The following CHI3L2 variants were observed in gnomAD, a reference collection of about 807,000 sequenced individuals.
The protein encoded by CHI3L2 is chitinase-3-like protein 2.
Under a neutral mutation model 47.3 loss-of-function variants are expected in CHI3L2, and 47 were observed. That is an observed-to-expected ratio of 0.99 (90% CI 0.79 to 1.27). The LOEUF is 1.27. CHI3L2 is among the 50% of genes most tolerant of loss of function. The pLI, the probability that CHI3L2 is intolerant of heterozygous loss-of-function variation, is 0.00. For missense variants in CHI3L2, 497 were observed against 462.1 expected, an observed-to-expected ratio of 1.08 and a Z score of -0.69; for synonymous variants, 198 against 169.9, an observed-to-expected ratio of 1.17 and a Z score of -1.28.
intron 2 of CHI3L2, among the ~76,000 whole-genome samples, 167 bp downstream of exon 2, chr1:111,230,048 C>A (rs1659667103): frequency 6.6e-6 from 1 of 151,982 alleles, no homozygotes; most frequent in African/African-American, 2.4e-5. Context: ...TTTTGTGTAT[C>A]CCTTGTTCTA....
chr1:111,233,006 T>C (rs1193168068), intron 4 of CHI3L2, among the ~76,000 whole-genome samples: 1 of 152,150 alleles, frequency 6.6e-6, no homozygotes, highest in Non-Finnish European at 1.5e-5. Flanking sequence ...AATTCAAGGC[T>C]CTAAGAAAGC....
intron 4 of CHI3L2, among the ~76,000 whole-genome samples, chr1:111,233,999 TCGTTAAGAG>T (rs1659803654): frequency 1.3e-5 from 2 of 150,258 alleles, no homozygotes; most frequent in African/African-American, 4.9e-5. Flanking sequence ...GGCAGCATGC[TCGTTAAGAG>T]TCATCACCAC....
chr1:111,228,714 T>G (rs550656454), intron 1 of CHI3L2, among the ~76,000 whole-genome samples: 1 of 152,370 alleles, frequency 6.6e-6, no homozygotes, highest in East Asian at 1.9e-4. Flanking sequence ...AGCAGCTGTG[T>G]CATTGAAAGT....
chr1:111,241,251 C>A, intron 8 of CHI3L2, 76 bp from the exon 9 acceptor site: 4 of 820,392 alleles, frequency 4.9e-6, no homozygotes. Flanking sequence ...CCTAGTGGCT[C>A]ACCTGCCCTG....
intron 1 of CHI3L2, among the ~76,000 whole-genome samples, chr1:111,229,492 C>A (rs918798430): frequency 2.4e-4 from 36 of 151,006 alleles, no homozygotes; most frequent in South Asian, 4.2e-4. Context: ...ACCATCCCGG[C>A]TAAAACGGTG....
chr1:111,235,439 G>T (rs373517987), intron 5 of CHI3L2, among the ~76,000 whole-genome samples, 200 bp from the exon 6 acceptor site: 1 of 152,212 alleles, frequency 6.6e-6, no homozygotes, highest in Non-Finnish European at 1.5e-5. Context: ...CCTGGGTAGA[G>T]TGAGGCTGGG....
chr1:111,229,681 C>CAAGAA (rs1659646414), intron 1 of CHI3L2, 171 bp from the exon 2 acceptor site: 1 of 336,264 alleles, frequency 3.0e-6, no homozygotes, highest in African/African-American at 8.1e-5. Flanking sequence ...GACTCCGTCT[C>CAAGAA]AAAAAAAAAA....
At chr1:111,233,821 G>T (rs1385221849) in intron 4 of CHI3L2, among the ~76,000 whole-genome samples, 2 of 152,034 alleles carry the variant, frequency 1.3e-5, no homozygotes, top group African/African-American at 4.8e-5. Context: ...GTAGACATGG[G>T]AGACTTTTCA....
At chr1:111,231,011 ACT>A in intron 3 of CHI3L2, 68 bp downstream of exon 3, 1 of 1,186,612 alleles carries the variant, frequency 8.4e-7, no homozygotes, top group East Asian at 2.4e-5. Flanking sequence ...TTAAGCTGAC[ACT>A]AAGACATACT....
At position 111,238,990 on chromosome 1, in the gene CHI3L2, C is replaced by G. The variant is rs1659969648; in HGVS notation, c.918+58C>G. 2.7e-6 allele frequency: 4 copies of G among 1,481,594 alleles called. No homozygotes were observed. The South Asian group carries it at 5.4e-5, about 20-fold the overall frequency. The allele number at this position is 1,481,594 out of a possible 1,614,324, so 91.8% of individuals were successfully genotyped here. A position where few individuals can be genotyped will look rare whatever the true frequency, so the allele number is the denominator to read the frequency against. Reference sequence around the variant, plus strand: ...TGCCATGTCTGGGTAGATGTTCCATCTTCAATTTGACAGCAGAGTAAAGCA... The same window carrying G: ...TGCCATGTCTGGGTAGATGTTCCATGTTCAATTTGACAGCAGAGTAAAGCA... On this transcript the variant is annotated intron_variant, in intron 8 of 10. Transcript: ENST00000369748.
Position 111,236,191 on chromosome 1 carries a change from G to C in CHI3L2, c.735+38G>C, listed in dbSNP as rs547081222. The C allele has an allele frequency of 4.4e-6, 7 of 1,601,786 alleles. No individual in the cohort carries two copies. The East Asian group carries it at 1.3e-4, about 31-fold the overall frequency. ...GGGGAACCGCAGGGGTACTGGCTGT[G>C]GGGGTGGGGCTGGGGAGAGTCCAGC... is the stretch of plus-strand genomic sequence containing the variant. On this transcript the variant is annotated intron_variant, in intron 7 of 10. Transcript: ENST00000369748.
At position 111,243,355 on chromosome 1, in the gene CHI3L2, C is replaced by T. The variant is rs1660117950; in HGVS notation, c.*141C>T. 4.8e-6 allele frequency: 2 copies of T among 414,010 alleles called. No individual in the cohort carries two copies. The highest frequency in any genetic ancestry group is 5.6e-5 in the Admixed American group (2 of 35,778). 25.6% of individuals were successfully genotyped at this position (414,010 alleles called of 1,614,324 possible). A position where few individuals can be genotyped will look rare whatever the true frequency, so the allele number is the denominator to read the frequency against. On this transcript the variant is annotated 3_prime_UTR_variant, in exon 11 of 11. Transcript: ENST00000369748. ...AGCCTTTCCTGACTTCCTCTTAGAT[C>T]ATAGATTGGACCTGGTTTTGTTTTC...
chr1:111,231,103 T>A (rs959179876), intron 3 of CHI3L2, 135 bp from the exon 4 acceptor site: 1 of 943,304 alleles, frequency 1.1e-6, no homozygotes, highest in Non-Finnish European at 1.7e-6. Flanking sequence ...GCTTCATCCC[T>A]TCACTGAACT....
intron 7 of CHI3L2, among the ~76,000 whole-genome samples, chr1:111,236,679 ATGT>A (rs1254879989): frequency 6.6e-6 from 1 of 151,950 alleles, no homozygotes; most frequent in Non-Finnish European, 1.5e-5. Context: ...AATGTTGTTG[ATGT>A]TGTTCTGGAA....
At chr1:111,239,783 C>A (rs954320250) in intron 8 of CHI3L2, among the ~76,000 whole-genome samples, 2 of 152,154 alleles carry the variant, frequency 1.3e-5, no homozygotes, top group African/African-American at 2.4e-5. Context: ...AGATATAAAT[C>A]TAACAATAGG....
chr1:111,229,660 C>T lies in CHI3L2; in HGVS notation c.41-192C>T, dbSNP rs7546290. The T allele has an allele frequency of 6.3e-5, 34 of 540,720 alleles. 5 individuals are homozygous for T. The highest frequency in any genetic ancestry group is 1.0e-4 in the East Asian group (2 of 20,086). The allele number at this position is 540,720 out of a possible 1,614,324, so 33.5% of individuals were successfully genotyped here. ...TCACACCACTGCACTCCAGCCTGGG[C>T]GACAGAGCGAGACTCCGTCTCAAAA... On this transcript the variant is annotated intron_variant, in intron 1 of 10. Transcript: ENST00000369748.
chr1:111,238,801 G>C lies in CHI3L2; in HGVS notation c.787G>C (p.Val263Leu). 2 of 1,614,028 alleles carry C rather than the reference G, an allele frequency of 1.2e-6. No individual in the cohort carries two copies. The highest frequency in any genetic ancestry group is 8.5e-7 in the Non-Finnish European group (1 of 1,179,960). Reference sequence around the variant, plus strand: ...TAAGGGAATGCCATCAGAGAAGGTGGTCATGGGCATCCCCACATATGGGCA... The same window carrying C: ...TAAGGGAATGCCATCAGAGAAGGTGCTCATGGGCATCCCCACATATGGGCA... ...IHKGMPSEKV[V>L]MGIPTYGHSF... is the part of the protein sequence containing the mutation. Residue 263 changes from valine to leucine, a missense_variant, in exon 8 of 11, where the codon GTC becomes CTC. Coordinates refer to ENST00000369748, the MANE Select transcript of CHI3L2 (RefSeq NM_004000.3).
At chr1:111,240,819 G>A (rs2494006) in intron 8 of CHI3L2, among the ~76,000 whole-genome samples, 37,923 of 152,080 alleles carry the variant, frequency 0.25, 5,586 homozygotes, top group Non-Finnish European at 0.34. Context: ...GATATGGGAC[G>A]GGACAGAGGA....
At chr1:111,241,235 C>G (rs2101557821) in intron 8 of CHI3L2, 92 bp from the exon 9 acceptor site, 1 of 781,094 alleles carries the variant, frequency 1.3e-6, no homozygotes, top group East Asian at 2.4e-5. Context: ...ATATTTTCCC[C>G]AAGTCCCTAG....
Sources: gnomAD v4.1 joint callset for allele counts (sites outside exome capture counted in the v4.1 genomes callset) on GRCh38, gnomAD v4.1.1 for gene constraint, MANE v1.5 for transcripts, NCBI Gene and HGNC (gene_info 2026-07-23, HGNC 2026-07-21) for gene names.